PIEZO2: variants seen among roughly 807,000 people sequenced by gnomAD.
The protein encoded by PIEZO2 is piezo type mechanosensitive ion channel component 2.
PIEZO2 carries 172 observed loss-of-function variants against 337.3 expected under a neutral mutation model. The observed-to-expected ratio is 0.51, with a 90% confidence interval of 0.45 to 0.58. The LOEUF (loss-of-function observed/expected upper bound fraction) is 0.58, where lower values mean the gene tolerates loss of function less well. Among genes scored for constraint, PIEZO2 ranks in the 20% least tolerant of loss-of-function variants. The probability of loss-of-function intolerance (pLI) is 0.00; values close to 1 mark genes in which losing one functional copy is unlikely to be tolerated. For synonymous variants in PIEZO2, 1,251 were observed against 1,228.5 expected, an observed-to-expected ratio of 1.02 and a Z score of -0.38; for missense variants, 3,028 against 3,391.3, an observed-to-expected ratio of 0.89 and a Z score of 2.66.
intron 37 of PIEZO2, among the ~76,000 whole-genome samples, chr18:10,717,821 C>A (rs492137): frequency 0.14 from 20,608 of 152,186 alleles, 1,992 homozygotes; most frequent in Admixed American, 0.26. Flanking sequence ...AGTCCTACTT[C>A]TCTCTCATTT....
chr18:11,010,720 A>G (rs1314192750), intron 2 of PIEZO2, among the ~76,000 whole-genome samples: 3 of 152,234 alleles, frequency 2.0e-5, no homozygotes, highest in African/African-American at 7.2e-5. Context: ...GGGTCATTAA[A>G]TAATAAAAGA....
chr18:10,691,624 C>T (rs979001480), intron 47 of PIEZO2, among the ~76,000 whole-genome samples: 6 of 151,096 alleles, frequency 4.0e-5, no homozygotes, highest in Admixed American at 6.6e-5. Flanking sequence ...GTTGTTTAGG[C>T]CATAATTAAA....
intron 2 of PIEZO2, among the ~76,000 whole-genome samples, chr18:11,041,523 G>C (rs971398607): frequency 2.1e-4 from 32 of 152,160 alleles, no homozygotes; most frequent in African/African-American, 7.5e-4. Context: ...GTTTGTAAAG[G>C]TCAGTGGGTT....
chr18:10,753,565 C>G (rs543053173), intron 27 of PIEZO2, among the ~76,000 whole-genome samples: 1 of 152,264 alleles, frequency 6.6e-6, no homozygotes, highest in Non-Finnish European at 1.5e-5. Flanking sequence ...CAGGCCAAGT[C>G]CCAACTGCAT....
chr18:11,037,417 A>G (rs777727707), intron 2 of PIEZO2, among the ~76,000 whole-genome samples: 3 of 152,222 alleles, frequency 2.0e-5, no homozygotes, highest in Non-Finnish European at 4.4e-5. Context: ...CTAAAAAATA[A>G]TTATTGAGCT....
At chr18:10,896,060 CA>C (rs11414260) in intron 4 of PIEZO2, among the ~76,000 whole-genome samples, 25,344 of 119,276 alleles carry the variant, frequency 0.21, 2,648 homozygotes, top group South Asian at 0.3. Flanking sequence ...AATTTCATCT[CA>C]AAAAAAAAAA....
At chr18:11,136,938 A>G (rs2040506336) in intron 1 of PIEZO2, among the ~76,000 whole-genome samples, 1 of 152,200 alleles carries the variant, frequency 6.6e-6, no homozygotes, top group Non-Finnish European at 1.5e-5. Flanking sequence ...ACGATTGTTT[A>G]GCTTCAATTA....
rs374157292 is a variant in PIEZO2, at chr18:10,991,155, TACACACACAC to T, written c.161-11505_161-11496del. 3.8e-3 allele frequency among the ~76,000 whole-genome samples: 529 copies of T among 140,638 alleles called. 5 individuals are homozygous for T. The highest frequency in any genetic ancestry group is 0.01 in the African/African-American group (391 of 38,638). 92.3% of individuals were successfully genotyped at this position (140,638 alleles called of 152,430 possible). A position where few individuals can be genotyped will look rare whatever the true frequency, so the allele number is the denominator to read the frequency against. ...TTCTTTTTGTTTTTGGAAGGTTTTA[TACACACACAC>T]ACACACACACACACACACACACACA... On this transcript the variant is annotated intron_variant, in intron 2 of 55. Transcript: ENST00000674853.
At chr18:10,946,100 G>A (rs460193) in intron 3 of PIEZO2, among the ~76,000 whole-genome samples, 87,518 of 152,000 alleles carry the variant, frequency 0.58, 25,571 homozygotes, top group African/African-American at 0.64. Flanking sequence ...AACCATAAAT[G>A]TATAGATTCA....
At chr18:10,733,387 A>AG (rs1357905577) in intron 35 of PIEZO2, among the ~76,000 whole-genome samples, 1 of 151,564 alleles carries the variant, frequency 6.6e-6, no homozygotes, top group Non-Finnish European at 1.5e-5. Context: ...AATGAAGAGG[A>AG]GGGGGAAACG....
chr18:11,045,169 C>T (rs896737923), intron 2 of PIEZO2, among the ~76,000 whole-genome samples: 9 of 151,520 alleles, frequency 5.9e-5, no homozygotes, highest in African/African-American at 1.5e-4. Context: ...TGGTGGCAGG[C>T]GACTGTAGTC....
intron 49 of PIEZO2, among the ~76,000 whole-genome samples, chr18:10,686,133 T>C (rs9807618): frequency 0.72 from 110,101 of 152,158 alleles, 41,886 homozygotes; most frequent in Non-Finnish European, 0.83. Flanking sequence ...TGTGCCCTTG[T>C]TGGGCTTGAT....
At chr18:11,084,293 T>C (rs1377276348) in intron 1 of PIEZO2, among the ~76,000 whole-genome samples, 2 of 151,770 alleles carry the variant, frequency 1.3e-5, no homozygotes, top group African/African-American at 4.8e-5. Flanking sequence ...CTTTGTTGAA[T>C]CAATCAAATT....
At chr18:11,015,870 C>T (rs1172296146) in intron 2 of PIEZO2, among the ~76,000 whole-genome samples, 1 of 152,238 alleles carries the variant, frequency 6.6e-6, no homozygotes, top group Non-Finnish European at 1.5e-5. Flanking sequence ...TGTTCACATG[C>T]ACACATGTTC....
intron 2 of PIEZO2, among the ~76,000 whole-genome samples, chr18:11,024,650 GT>G (rs2036464659): frequency 6.6e-6 from 1 of 151,646 alleles, no homozygotes; most frequent in African/African-American, 2.4e-5. Context: ...GTTTTGTTTC[GT>G]TTTTTTGAGA....
rs1178604485 is a variant in PIEZO2, at chr18:11,143,279, T to G, written c.64+5246A>C. Among the ~76,000 whole-genome samples the G allele has an allele frequency of 1.3e-5, 2 of 152,200 alleles. No homozygotes were observed. The highest frequency in any genetic ancestry group is 4.8e-5 in the African/African-American group (2 of 41,460). Reference sequence around the variant, plus strand: ...TGTTCTTCAATATCCAGATGGCTTATGCTATTCTAAGTTCTCCTGAATATT... The same window carrying G: ...TGTTCTTCAATATCCAGATGGCTTAGGCTATTCTAAGTTCTCCTGAATATT... On this transcript the variant is annotated intron_variant, in intron 1 of 55. Coordinates refer to ENST00000674853, the MANE Select transcript of PIEZO2 (RefSeq NM_001378183.1). The surrounding 1 kb of genome is among the most constrained non-coding windows in gnomAD (Gnocchi z 4.9).
rs1230499215 is a variant in PIEZO2, at chr18:11,002,079, C to T, written c.161-22419G>A. 6.6e-6 allele frequency among the ~76,000 whole-genome samples: 1 copy of T among 152,204 alleles called. No individual in the cohort carries two copies. The highest frequency in any genetic ancestry group is 2.4e-5 in the African/African-American group (1 of 41,454). ...TAGTCTCTGTTACAATGACTCAATT[C>T]TGCTACTGTAGCAAATAGCCATAGA... On this transcript the variant is annotated intron_variant, in intron 2 of 55. Transcript: ENST00000674853. This position sits in a 1 kb window ranked among gnomAD's most constrained non-coding sequence, Gnocchi z 4.3.
At position 11,047,742 on chromosome 18, in the gene PIEZO2, A is replaced by G. The variant is rs1001249834; in HGVS notation, c.160+18385T>C. Among the ~76,000 whole-genome samples, 6 of 152,154 alleles carry G rather than the reference A, an allele frequency of 3.9e-5. No homozygotes were observed. The highest frequency in any genetic ancestry group is 1.4e-4 in the African/African-American group (6 of 41,436). On this transcript the variant is annotated intron_variant, in intron 2 of 55. Transcript: ENST00000674853. The surrounding 1 kb of genome is among the most constrained non-coding windows in gnomAD (Gnocchi z 7.2). ...GCCTTTCTCCACAACAACTAAGAGT[A>G]TGGCTTTGACAGGTGTCCCTGCATC...
At chr18:10,898,360 G>T (rs1249966925) in intron 4 of PIEZO2, among the ~76,000 whole-genome samples, 1 of 152,106 alleles carries the variant, frequency 6.6e-6, no homozygotes, top group African/African-American at 2.4e-5. Flanking sequence ...GGCAGAGCTT[G>T]CAGTGAGCCG....
Sources: allele counts gnomAD v4.1 joint callset (sites outside exome capture counted in the v4.1 genomes callset), GRCh38; gene constraint gnomAD v4.1.1; non-coding constraint Gnocchi (gnomAD v3.1); transcripts MANE v1.5; gene names NCBI Gene and HGNC (gene_info 2026-07-23, HGNC 2026-07-21).